PPP2R3B: variants seen among roughly 807,000 people sequenced by gnomAD.
PPP2R3B encodes protein phosphatase 2 regulatory subunit B''beta.
PPP2R3B carries 68 observed loss-of-function variants against 72.9 expected under a neutral mutation model. The observed-to-expected ratio is 0.93, with a 90% CI of 0.77 to 1.14. The LOEUF is 1.14. Among genes scored for constraint, PPP2R3B ranks in the 50% most tolerant of loss-of-function variants. The pLI, the probability that PPP2R3B is intolerant of heterozygous loss-of-function variation, is 0.00. For synonymous variants in PPP2R3B, 466 were observed against 375.8 expected, an observed-to-expected ratio of 1.24 and a Z score of -2.78; for missense variants, 1,018 against 842.0, an observed-to-expected ratio of 1.21 and a Z score of -2.59.
chrX:371,018 C>T (rs949128867), intron 1 of PPP2R3B, among the ~76,000 whole-genome samples: 7 of 152,088 alleles, frequency 4.6e-5, no homozygotes, highest in Non-Finnish European at 8.8e-5. Flanking sequence ...GTGTGGGGAG[C>T]GGGAGAGTCA....
chrX:335,789 T>G (rs986330862), intron 12 of PPP2R3B: 1 of 152,188 alleles, frequency 6.6e-6, no homozygotes, highest in Non-Finnish European at 1.5e-5. Flanking sequence ...CACTGGATTC[T>G]GCAGACATCA....
chrX:353,598 T>G (rs1464347762), intron 2 of PPP2R3B, among the ~76,000 whole-genome samples: 2 of 152,258 alleles, frequency 1.3e-5, no homozygotes, highest in African/African-American at 4.8e-5. Context: ...ATCCCCCCGA[T>G]GCTAAACCAG....
chrX:381,659 C>T (rs113969800), intron 1 of PPP2R3B, among the ~76,000 whole-genome samples: 1,768 of 137,014 alleles, frequency 0.013, 36 homozygotes, highest in African/African-American at 0.048. Context: ...AGTGCAGTGG[C>T]GCGATCTCAG....
At chrX:335,232 C>T (rs1427320019) in intron 12 of PPP2R3B, 7 of 152,304 alleles carry the variant, frequency 4.6e-5, no homozygotes, top group Non-Finnish European at 8.8e-5. Context: ...GCCGGGCAGC[C>T]GTGGGGGTGG....
rs754355129 is a variant in PPP2R3B at position 340,939 on chromosome X, T to C, written c.1177A>G (p.Ile393Val). 10 of 1,610,222 alleles carry C rather than the reference T, an allele frequency of 6.2e-6. No homozygotes were observed. In the East Asian group the frequency reaches 2.2e-4, roughly 36 times the overall value. Reference protein sequence around the residue: ...SEEDKKTPTSIEYWFRCMDLD... With the variant: ...SEEDKKTPTSVEYWFRCMDLD... ...TCCATGCAGCGGAACCAGTACTCGA[T>C]GCTGCGGCACGGCGAGCTCTGTCAG... Residue 393 changes from isoleucine (I) to valine (V), a missense_variant and splice_region_variant, in exon 10 of 13, where the codon ATC becomes GTC. Physicochemically the swap from Ile to Val is conservative, Grantham distance 29. Coordinates refer to ENST00000390665, the MANE Select transcript of PPP2R3B (RefSeq NM_013239.5).
rs1178775394 is a variant in PPP2R3B at position 334,465 on chromosome X, G to C, written c.1630C>G (p.Pro544Ala). 1 of 1,594,834 alleles carries C rather than the reference G, an allele frequency of 6.3e-7. No homozygotes were observed. Among genetic ancestry groups the C allele is most frequent in the Non-Finnish European group, 8.5e-7 (1 of 1,176,124 alleles). ...TCGAAGAAGGGCCTCTGGGCCAGCGGGGAGCGCAGCGCACTCAGCTTCTGC... is the reference window on the plus strand; with the variant it reads ...TCGAAGAAGGGCCTCTGGGCCAGCGCGGAGCGCAGCGCACTCAGCTTCTGC... ...VEQKLSALRS[P>A]LAQRPFFEAP... Residue 544 changes from proline (P) to alanine (A), a missense_variant, in exon 13 of 13, where the codon CCG becomes GCG. By Grantham distance (27) the Pro-to-Ala change is conservative. Coordinates refer to ENST00000390665, the MANE Select transcript of PPP2R3B (RefSeq NM_013239.5).
chrX:363,404 T>A (rs1217058515), intron 1 of PPP2R3B, among the ~76,000 whole-genome samples: 1 of 149,512 alleles, frequency 6.7e-6, no homozygotes, highest in African/African-American at 2.5e-5. Context: ...GAGCCCGCAA[T>A]CCCACAGTGC....
chrX:364,633 G>T (rs758613678), intron 1 of PPP2R3B, among the ~76,000 whole-genome samples: 2 of 144,584 alleles, frequency 1.4e-5, no homozygotes, highest in South Asian at 4.4e-4. Flanking sequence ...CAGGAGAATC[G>T]CTTCAACACA....
rs1043902091 is a variant in PPP2R3B at position 340,862 on chromosome X, C to G, written c.1254G>C (p.Glu418Asp). The change falls in exon 10 of 13, where the codon GAG (glutamate) becomes GAC (aspartate). Residue 418 changes from glutamate (E) to aspartate (D), a missense_variant. Coordinates refer to ENST00000390665, the MANE Select transcript of PPP2R3B (RefSeq NM_013239.5). Reference protein sequence around the residue: ...LSMFELEYFYEEQCRRLDSMA... With the variant: ...LSMFELEYFYDEQCRRLDSMA... ...TGCTGTCCAGCCTTCGGCACTGCTC[C>G]TCGTAGAAGTACTCGAGCTCGAACA... 3.1e-6 allele frequency: 5 copies of G among 1,612,192 alleles called. No individual in the cohort carries two copies. Among genetic ancestry groups the G allele is most frequent in the Non-Finnish European group, 4.2e-6 (5 of 1,179,704 alleles).
intron 1 of PPP2R3B, among the ~76,000 whole-genome samples, chrX:368,399 T>C (rs778617684): frequency 1.6e-3 from 34 of 21,456 alleles, no homozygotes; most frequent in African/African-American, 2.4e-3. Context: ...ACCACCCACC[T>C]TGGGCACCGA....
In PPP2R3B at chrX:370,462, C is replaced by T. The variant is rs756541249; in HGVS notation, c.325-8872G>A. Among the ~76,000 whole-genome samples, 15 of 152,252 alleles carry T rather than the reference C, an allele frequency of 9.9e-5. No homozygotes were observed. In the East Asian group the frequency reaches 1.6e-3, roughly 16 times the overall value. Reference sequence around the variant, plus strand: ...GAGCTCGGAAGGCTGGGCTGGGGGACGTGGGGATCATTCTGTCCACCAGCC... The same window carrying T: ...GAGCTCGGAAGGCTGGGCTGGGGGATGTGGGGATCATTCTGTCCACCAGCC... On this transcript the variant is annotated intron_variant, in intron 1 of 12. Coordinates refer to ENST00000390665, the MANE Select transcript of PPP2R3B (RefSeq NM_013239.5).
In PPP2R3B at chrX:345,672, T is replaced by G. The variant is rs763674523; in HGVS notation, c.880A>C (p.Asn294His). Residue 294 changes from asparagine (N) to histidine (H), a missense_variant and splice_region_variant, in exon 7 of 13, where the codon AAT becomes CAT. By Grantham distance (68) the Asn-to-His change is moderately conservative. Coordinates refer to ENST00000390665, the MANE Select transcript of PPP2R3B (RefSeq NM_013239.5). ...AELRRSSFLQ[N>H]VALLEEEADI... is the part of the protein sequence containing the mutation. The stretch of plus-strand genomic sequence containing the variant: ...GCCTCCTCCTCCAGCAGCGCCACAT[T>G]CTGCCAAAGGACCCAGGCGGCCTGA... The G allele has an allele frequency of 1.9e-6, 3 of 1,611,882 alleles. No individual in the cohort carries two copies. Among genetic ancestry groups the G allele is most frequent in the Admixed American group, 3.3e-5 (2 of 59,934 alleles).
chrX:341,717 C>A (rs1378541644), intron 8 of PPP2R3B, 166 bp downstream of exon 8: 4 of 797,030 alleles, frequency 5.0e-6, no homozygotes, highest in South Asian at 3.1e-5. Flanking sequence ...CCACCCCCCC[C>A]CACTAGGGAT....
chrX:385,818 C>T (rs1379672944), intron 1 of PPP2R3B, among the ~76,000 whole-genome samples: 2 of 151,910 alleles, frequency 1.3e-5, no homozygotes, highest in Non-Finnish European at 2.9e-5. Context: ...CAGTGACTCA[C>T]GTCTGAAATC....
At chrX:345,031 G>T in intron 7 of PPP2R3B, 1 of 379,170 alleles carries the variant, frequency 2.6e-6, no homozygotes, top group Non-Finnish European at 5.2e-6. Context: ...GGGGCCGGGA[G>T]GCAGTGGCTG....
chrX:362,676 C>T (rs1428363255), intron 1 of PPP2R3B, among the ~76,000 whole-genome samples: 12 of 152,192 alleles, frequency 7.9e-5, no homozygotes, highest in South Asian at 2.1e-4. Flanking sequence ...GGAGGAAGTC[C>T]GCATACCAGT....
intron 1 of PPP2R3B, among the ~76,000 whole-genome samples, chrX:378,985 T>G (rs2072058077): frequency 6.6e-6 from 1 of 152,256 alleles, no homozygotes; most frequent in African/African-American, 2.4e-5. Flanking sequence ...TGTTAAGAAC[T>G]TCTAATGAAA....
At chrX:373,479 G>C (rs1436935930) in intron 1 of PPP2R3B, 2 of 152,348 alleles carry the variant, frequency 1.3e-5, no homozygotes, top group East Asian at 3.8e-4. Flanking sequence ...AGGGCTCGCC[G>C]GGCCGGGAGG....
intron 5 of PPP2R3B, 98 bp downstream of exon 5, chrX:346,602 CG>C (rs1569386936): frequency 8.3e-7 from 1 of 1,202,872 alleles, no homozygotes; most frequent in African/African-American, 1.5e-5. Context: ...TCAGGAACCC[CG>C]GGCCCCGCCC....
Sources: allele counts gnomAD v4.1 joint callset (sites outside exome capture counted in the v4.1 genomes callset), GRCh38; gene constraint gnomAD v4.1.1; transcripts MANE v1.5; gene names NCBI Gene and HGNC (gene_info 2026-07-23, HGNC 2026-07-21).